Variants in KIRREL3 observed in about 807,000 individuals in gnomAD.
KIRREL3 encodes the protein kirre like nephrin family adhesion molecule 3.
A neutral mutation model predicts 89.7 loss-of-function variants in KIRREL3; 36 were observed. The observed-to-expected ratio is 0.40, with a 90% CI of 0.31 to 0.53. The LOEUF is 0.53. Among genes scored for constraint, KIRREL3 ranks in the 20% least tolerant of loss-of-function variants. The pLI is 0.49. For synonymous variants in KIRREL3, 445 were observed against 441.4 expected (o/e 1.01, Z -0.10); for missense variants, 864 against 1,056.6 (o/e 0.82, Z 2.53).
At chr11:126,942,780 C>A (rs572802339) in intron 1 of KIRREL3, among the ~76,000 whole-genome samples, 1 of 152,340 alleles carries the variant, frequency 6.6e-6, no homozygotes. Context: ...GAGGCGCTCC[C>A]TTGAGCCCTG....
In KIRREL3 at chr11:126,640,703, T is replaced by C. The variant is rs1047471092; in HGVS notation, c.56-77791A>G. On this transcript the variant is annotated intron_variant, in intron 1 of 16. Coordinates refer to ENST00000525144, the MANE Select transcript of KIRREL3 (RefSeq NM_032531.4). This position sits in a 1 kb window ranked among gnomAD's most constrained non-coding sequence, Gnocchi z 4.9. The stretch of plus-strand genomic sequence containing the variant: ...TTCTTTCTGAATCTGGAATGAACCA[T>C]GGGACCCTTGGGTTGAAGACTATGC... 6.6e-6 allele frequency among the ~76,000 whole-genome samples: 1 copy of C among 152,150 alleles called. No homozygotes were observed. The highest frequency in any genetic ancestry group is 2.4e-5 in the African/African-American group (1 of 41,438).
rs965796481 is a variant in KIRREL3, at chr11:126,703,584, G to A, written c.56-140672C>T. Among the ~76,000 whole-genome samples the A allele has an allele frequency of 1.3e-5, 2 of 152,178 alleles. No homozygotes were observed. The highest frequency in any genetic ancestry group is 4.8e-5 in the African/African-American group (2 of 41,448). ...AGAGGTCAGTCAGATCGGGAGTGAT[G>A]GGGCTGTAATCCAAATGCTGGGCTG... is the stretch of plus-strand genomic sequence containing the variant. On this transcript the variant is annotated intron_variant, in intron 1 of 16. Coordinates refer to ENST00000525144, the MANE Select transcript of KIRREL3 (RefSeq NM_032531.4). This position sits in a 1 kb window ranked among gnomAD's most constrained non-coding sequence, Gnocchi z 4.6.
rs1484079078 is a variant in KIRREL3, at chr11:126,484,901, C to T, written c.434-11435G>A. The stretch of plus-strand genomic sequence containing the variant: ...CACAATGTAGGCTCACTGCAGCCTC[C>T]GCCTCCCAGGTTCAAGCGATTCTCC... On this transcript the variant is annotated intron_variant, in intron 4 of 16. Transcript: ENST00000525144. This position sits in a 1 kb window ranked among gnomAD's most constrained non-coding sequence, Gnocchi z 5.2. 6.6e-6 allele frequency among the ~76,000 whole-genome samples: 1 copy of T among 151,800 alleles called. No individual in the cohort carries two copies. The highest frequency in any genetic ancestry group is 2.4e-5 in the African/African-American group (1 of 41,312).
chr11:126,697,879 G>A lies in KIRREL3; in HGVS notation c.56-134967C>T, dbSNP rs1254475894. Among the ~76,000 whole-genome samples the A allele has an allele frequency of 6.6e-6, 1 of 152,184 alleles. No individual in the cohort carries two copies. ...TTGTTGGTGATGAGGAGAGTGGGAG[G>A]AAGGGAGAGTGAAGGAAGAAGAGAG... On this transcript the variant is annotated intron_variant, in intron 1 of 16. Coordinates refer to ENST00000525144, the MANE Select transcript of KIRREL3 (RefSeq NM_032531.4). The surrounding 1 kb of genome is among the most constrained non-coding windows in gnomAD (Gnocchi z 4.2).
intron 1 of KIRREL3, among the ~76,000 whole-genome samples, chr11:126,975,357 C>T (rs896059545): frequency 1.3e-5 from 2 of 152,140 alleles, no homozygotes; most frequent in African/African-American, 2.4e-5. Flanking sequence ...CCACAAGGCC[C>T]ACTTACTTCA....
intron 1 of KIRREL3, among the ~76,000 whole-genome samples, chr11:126,824,565 T>G (rs759260498): frequency 6.6e-6 from 1 of 152,210 alleles, no homozygotes; most frequent in Non-Finnish European, 1.5e-5. Flanking sequence ...TTTGAGGGCT[T>G]CAATATTTAA....
rs904946841 is a variant in KIRREL3 at position 126,981,474 on chromosome 11, G to C, written c.55+18981C>G. The stretch of plus-strand genomic sequence containing the variant: ...AGCTTAGGATTCCAGGCAGAAGACA[G>C]TCCAGTACCTTCCTAAGTCACTAAG... On this transcript the variant is annotated intron_variant, in intron 1 of 16. Transcript: ENST00000525144. The surrounding 1 kb of genome is among the most constrained non-coding windows in gnomAD (Gnocchi z 4.2). Among the ~76,000 whole-genome samples the C allele has an allele frequency of 3.3e-5, 5 of 152,218 alleles. No individual in the cohort carries two copies. The highest frequency in any genetic ancestry group is 1.9e-4 in the East Asian group (1 of 5,200).
chr11:126,973,444 T>C (rs959164815), intron 1 of KIRREL3, among the ~76,000 whole-genome samples: 8 of 152,324 alleles, frequency 5.3e-5, no homozygotes, highest in Admixed American at 3.9e-4. Flanking sequence ...TTGGAAGTGA[T>C]GAAGAGTTCT....
rs1555172294 is a variant in KIRREL3, at chr11:126,668,691, G to GTTTTTC, written c.56-105785_56-105780dup. On this transcript the variant is annotated intron_variant, in intron 1 of 16. Transcript: ENST00000525144. This position sits in a 1 kb window ranked among gnomAD's most constrained non-coding sequence, Gnocchi z 4.4. The stretch of plus-strand genomic sequence containing the variant: ...TATAAAGAGCTGTTGGGAAGTTTCT[G>GTTTTTC]TTTTTCTTTCTTTCTTTCTTTCTTT... 5.1e-4 allele frequency among the ~76,000 whole-genome samples: 67 copies of GTTTTTC among 130,142 alleles called. No homozygotes were observed. Among genetic ancestry groups the GTTTTTC allele is most frequent in the African/African-American group, 1.9e-3 (65 of 34,990 alleles). The allele number at this position is 130,142 out of a possible 152,430, so 85.4% of individuals were successfully genotyped here.
intron 1 of KIRREL3, among the ~76,000 whole-genome samples, chr11:126,679,736 G>A (rs962002707): frequency 6.6e-6 from 1 of 152,214 alleles, no homozygotes; most frequent in Non-Finnish European, 1.5e-5. Flanking sequence ...GTGAAATTCA[G>A]TCTTATTGGT....
Position 126,463,892 on chromosome 11 carries a change from G to A in KIRREL3, c.592-585C>T, listed in dbSNP as rs1156720169. Among the ~76,000 whole-genome samples, 2 of 152,148 alleles carry A rather than the reference G, an allele frequency of 1.3e-5. No homozygotes were observed. Among genetic ancestry groups the A allele is most frequent in the South Asian group, 2.1e-4 (1 of 4,826 alleles). Reference sequence around the variant, plus strand: ...CGTTTCACTCCCTGATCTCATTAGAGTCTCAATCAAACCATAGGTGGGACA... The same window carrying A: ...CGTTTCACTCCCTGATCTCATTAGAATCTCAATCAAACCATAGGTGGGACA... On this transcript the variant is annotated intron_variant, in intron 5 of 16. Transcript: ENST00000525144. The surrounding 1 kb of genome is among the most constrained non-coding windows in gnomAD (Gnocchi z 5.9).
chr11:126,845,005 C>T (rs1414014745), intron 1 of KIRREL3, among the ~76,000 whole-genome samples: 5 of 152,084 alleles, frequency 3.3e-5, no homozygotes, highest in Admixed American at 2.6e-4. Context: ...TCTTTTTGAT[C>T]TTTTCTGTTA....
rs1951501026 is a variant in KIRREL3, at chr11:126,814,716, A to C, written c.55+185739T>G. On this transcript the variant is annotated intron_variant, in intron 1 of 16. Coordinates refer to ENST00000525144, the MANE Select transcript of KIRREL3 (RefSeq NM_032531.4). This position sits in a 1 kb window ranked among gnomAD's most constrained non-coding sequence, Gnocchi z 4.4. ...TCTCACTTCTAAGTAGGAGCTGAAC[A>C]GTGAGAACACGTGGACACAGGGAGG... 6.6e-6 allele frequency among the ~76,000 whole-genome samples: 1 copy of C among 152,320 alleles called. No homozygotes were observed. Among genetic ancestry groups the C allele is most frequent in the South Asian group, 2.1e-4 (1 of 4,832 alleles).
intron 1 of KIRREL3, among the ~76,000 whole-genome samples, chr11:126,815,708 T>A (rs1031056067): frequency 1.3e-5 from 2 of 152,172 alleles, no homozygotes; most frequent in Non-Finnish European, 2.9e-5. Flanking sequence ...TAATTTTTTG[T>A]ATGTTTTTAG....
chr11:126,594,545 C>T lies in KIRREL3; in HGVS notation c.56-31633G>A, dbSNP rs532486443. Among the ~76,000 whole-genome samples, 2 of 152,112 alleles carry T rather than the reference C, an allele frequency of 1.3e-5. No individual in the cohort carries two copies. The highest frequency in any genetic ancestry group is 2.9e-5 in the Non-Finnish European group (2 of 68,018). On this transcript the variant is annotated intron_variant, in intron 1 of 16. Coordinates refer to ENST00000525144, the MANE Select transcript of KIRREL3 (RefSeq NM_032531.4). The surrounding 1 kb of genome is among the most constrained non-coding windows in gnomAD (Gnocchi z 5.0). ...TAGCCTCGTTTTTCCTTCTTTCTTTCCACATAGCATGGGGCCTTCAACTGC... is the reference window on the plus strand; with the variant it reads ...TAGCCTCGTTTTTCCTTCTTTCTTTTCACATAGCATGGGGCCTTCAACTGC...
At chr11:126,648,859 G>T (rs996320093) in intron 1 of KIRREL3, among the ~76,000 whole-genome samples, 2 of 152,168 alleles carry the variant, frequency 1.3e-5, no homozygotes, top group Admixed American at 6.5e-5. Context: ...TTGAATGAGT[G>T]GCTAAAATCA....
At chr11:126,717,313 A>T (rs1341330336) in intron 1 of KIRREL3, among the ~76,000 whole-genome samples, 1 of 151,802 alleles carries the variant, frequency 6.6e-6, no homozygotes, top group Non-Finnish European at 1.5e-5. Context: ...ATGTTATTTA[A>T]TGAAATAGTG....
chr11:126,889,092 T>C (rs1945806966), intron 1 of KIRREL3, among the ~76,000 whole-genome samples: 2 of 152,188 alleles, frequency 1.3e-5, no homozygotes, highest in Admixed American at 1.3e-4. Flanking sequence ...TAAAGTAGTA[T>C]ACAAGGTGAG....
intron 1 of KIRREL3, among the ~76,000 whole-genome samples, chr11:126,726,835 A>T (rs4356239): frequency 0.077 from 11,664 of 152,134 alleles, 686 homozygotes; most frequent in African/African-American, 0.16. Context: ...TGCTTTTGCC[A>T]TTCCTTGTGC....
Sources: allele counts gnomAD v4.1 joint callset (sites outside exome capture counted in the v4.1 genomes callset), GRCh38; gene constraint gnomAD v4.1.1; non-coding constraint Gnocchi (gnomAD v3.1); transcripts MANE v1.5; gene names NCBI Gene and HGNC (gene_info 2026-07-23, HGNC 2026-07-21).